BLTP3A: variants seen among roughly 807,000 people sequenced by gnomAD.
BLTP3A encodes ICBP90 binding protein 1.
At chr6:34,838,345 G>T in the BLTP3A span, among the ~76,000 whole-genome samples, 314 of 151,630 alleles carry the variant, frequency 2.1e-3, 2 homozygotes, top group African/African-American at 7.3e-3. Flanking sequence ...CACTTGAAAA[G>T]AACATGAATG....
the BLTP3A span, among the ~76,000 whole-genome samples, chr6:34,846,840 TC>T: frequency 6.6e-6 from 1 of 152,216 alleles, no homozygotes; most frequent in East Asian, 1.9e-4. Flanking sequence ...CTTATCTTGT[TC>T]CAAATATTAC....
chr6:34,803,763 C>T, the BLTP3A span, among the ~76,000 whole-genome samples: 3 of 151,810 alleles, frequency 2.0e-5, no homozygotes, highest in African/African-American at 4.8e-5. Flanking sequence ...ATGTATCAGT[C>T]ATTTGAAAGT....
the BLTP3A span, among the ~76,000 whole-genome samples, chr6:34,849,189 G>A: frequency 6.4e-4 from 98 of 152,046 alleles, no homozygotes; most frequent in African/African-American, 2.3e-3. Flanking sequence ...AGTAGAGACG[G>A]GGTTTCGCCA....
At chr6:34,856,914 C>G in the BLTP3A span, 3 of 1,613,564 alleles carry the variant, frequency 1.9e-6, no homozygotes, top group South Asian at 1.1e-5. Context: ...GGGTGGATGA[C>G]CTGGACATCC....
At chr6:34,814,422 C>G in the BLTP3A span, among the ~76,000 whole-genome samples, 1 of 127,432 alleles carries the variant, frequency 7.8e-6, no homozygotes, top group South Asian at 2.2e-4. Flanking sequence ...AAGGCAGTAT[C>G]CATTTTTTGT....
At chr6:34,838,996 A>G in the BLTP3A span, among the ~76,000 whole-genome samples, 1 of 152,224 alleles carries the variant, frequency 6.6e-6, no homozygotes, top group African/African-American at 2.4e-5. Flanking sequence ...CATGCCTATA[A>G]TCCCAGCACT....
the BLTP3A span, among the ~76,000 whole-genome samples, chr6:34,793,554 A>G: frequency 6.6e-6 from 1 of 152,244 alleles, no homozygotes; most frequent in Non-Finnish European, 1.5e-5. Flanking sequence ...ATTAGTAATT[A>G]GACCCAGATC....
the BLTP3A span, among the ~76,000 whole-genome samples, chr6:34,848,764 C>T: frequency 5.3e-5 from 8 of 151,862 alleles, no homozygotes; most frequent in African/African-American, 1.9e-4. Flanking sequence ...TTTTTTAATG[C>T]ATTCAGCCAT....
At chr6:34,798,091 T>C in the BLTP3A span, among the ~76,000 whole-genome samples, 267 of 152,324 alleles carry the variant, frequency 1.8e-3, 1 homozygote, top group African/African-American at 6.0e-3. Context: ...CACCAAAGGG[T>C]AACCAATGTC....
the BLTP3A span, chr6:34,858,386 C>T: frequency 6.2e-7 from 1 of 1,614,196 alleles, no homozygotes; most frequent in East Asian, 2.2e-5. Context: ...TCCTGCCTGC[C>T]TCAGCCTAAT....
At chr6:34,815,895 G>C in the BLTP3A span, among the ~76,000 whole-genome samples, 1 of 152,094 alleles carries the variant, frequency 6.6e-6, no homozygotes, top group Non-Finnish European at 1.5e-5. Flanking sequence ...TGATCTGTCC[G>C]CCTCGGCCTC....
the BLTP3A span, chr6:34,792,369 GCT>G: frequency 2.9e-6 from 4 of 1,383,004 alleles, no homozygotes; most frequent in Non-Finnish European, 3.9e-6. Flanking sequence ...CTGACGCCGC[GCT>G]CCGGGCCCAG....
At chr6:34,858,561 G>C in the BLTP3A span, 1 of 1,614,188 alleles carries the variant, frequency 6.2e-7, no homozygotes, top group East Asian at 2.2e-5. Flanking sequence ...TCCGCTGGCA[G>C]CAAGCCCAGG....
chr6:34,815,708 A>T, the BLTP3A span, among the ~76,000 whole-genome samples: 7 of 151,114 alleles, frequency 4.6e-5, no homozygotes, highest in Admixed American at 3.3e-4. Flanking sequence ...AGTGGTGCAA[A>T]CTTGGCTCAC....
chr6:34,870,161 T>G, the BLTP3A span, among the ~76,000 whole-genome samples: 272 of 152,296 alleles, frequency 1.8e-3, 4 homozygotes, highest in Non-Finnish European at 3.2e-4. Flanking sequence ...AGTTTTTGTT[T>G]GTTTGTTTGT....
chr6:34,804,394 G>A, the BLTP3A span, among the ~76,000 whole-genome samples: 2 of 152,288 alleles, frequency 1.3e-5, no homozygotes, highest in East Asian at 3.9e-4. Flanking sequence ...AATGAGACAA[G>A]GTTTCTCTTT....
At chr6:34,844,301 A>T in the BLTP3A span, among the ~76,000 whole-genome samples, 1 of 151,858 alleles carries the variant, frequency 6.6e-6, no homozygotes, top group Non-Finnish European at 1.5e-5. Flanking sequence ...TTTGAGACAG[A>T]GTCTTGCTGT....
the BLTP3A span, among the ~76,000 whole-genome samples, chr6:34,832,446 T>A: frequency 6.6e-6 from 1 of 151,848 alleles, no homozygotes; most frequent in Non-Finnish European, 1.5e-5. Context: ...TTTTTCTTTT[T>A]TTTTTCTGAG....
At chr6:34,857,850 A>G in the BLTP3A span, 7 of 1,614,136 alleles carry the variant, frequency 4.3e-6, no homozygotes, top group Non-Finnish European at 5.9e-6. Context: ...AAAGCTATCT[A>G]CAAGCTGGAA....
Sources: gnomAD v4.1 joint callset for allele counts (sites outside exome capture counted in the v4.1 genomes callset) on GRCh38, gnomAD v4.1.1 for gene constraint, MANE v1.5 for transcripts, NCBI Gene and HGNC (gene_info 2026-07-23, HGNC 2026-07-21) for gene names.